ALG12: variants seen among roughly 807,000 people sequenced by gnomAD.
The protein encoded by ALG12 is ALG12 alpha-1,6-mannosyltransferase.
ALG12 carries 36 observed loss-of-function variants against 46.0 expected under a neutral mutation model. That is an observed-to-expected ratio of 0.78 (90% CI 0.60 to 1.03). ALG12 has a LOEUF of 1.03. Ranked by LOEUF, ALG12 falls within the 50% of genes least tolerant of loss-of-function variation. ALG12 has a pLI of 0.00. For missense variants in ALG12, 599 were observed against 633.5 expected (o/e 0.95, Z 0.58); for synonymous variants, 326 against 291.6 (o/e 1.12, Z -1.20).
chr22:49,892,629 GAAAACTCTGAGGTTT>G, the ALG12 span, among the ~76,000 whole-genome samples: 1 of 152,220 alleles, frequency 6.6e-6, no homozygotes, highest in African/African-American at 2.4e-5. Flanking sequence ...CTGCCATTGA[GAAAACTCTGAGGTTT>G]CCAGGTGAGT....
chr22:49,893,018 G>A, the ALG12 span, among the ~76,000 whole-genome samples: 6 of 152,168 alleles, frequency 3.9e-5, no homozygotes, highest in African/African-American at 9.7e-5. Context: ...ATCTGTAAAC[G>A]TGCTAATGCT....
chr22:49,895,283 C>T (rs778234357), downstream of ALG12, among the ~76,000 whole-genome samples: 5 of 152,136 alleles, frequency 3.3e-5, no homozygotes, highest in Non-Finnish European at 5.9e-5. Context: ...TCATTCTAGT[C>T]GTTTCTCGTT....
chr22:49,902,370 C>T lies in ALG12; in HGVS notation c.*1468G>A, dbSNP rs1343555894. The T allele has an allele frequency of 8.1e-6, 1 of 123,808 alleles. No individual in the cohort carries two copies. Among genetic ancestry groups the T allele is most frequent in the African/African-American group, 3.5e-5 (1 of 28,500 alleles). 7.7% of individuals were successfully genotyped at this position (123,808 alleles called of 1,614,324 possible). On this transcript the variant is annotated 3_prime_UTR_variant, in exon 10 of 10. Coordinates refer to ENST00000330817, the MANE Select transcript of ALG12 (RefSeq NM_024105.4). ...GTGGTGTGTATGCATGGTGTGTGCACGTGTGCACGGTGTGTGGTGTGTATG... is the reference window on the plus strand; with the variant it reads ...GTGGTGTGTATGCATGGTGTGTGCATGTGTGCACGGTGTGTGGTGTGTATG...
At chr22:49,887,342 C>T in the ALG12 span, 3 of 619,332 alleles carry the variant, frequency 4.8e-6, no homozygotes, top group African/African-American at 1.8e-5. Context: ...CTTACCCCTT[C>T]TCCTTCAGGC....
chr22:49,859,572 G>C, the ALG12 span, among the ~76,000 whole-genome samples: 113,365 of 152,002 alleles, frequency 0.75, 44,841 homozygotes, highest in East Asian at 0.91. Context: ...GTGCAGAAAG[G>C]CATCTGGACA....
At chr22:49,891,593 GCAT>G in the ALG12 span, among the ~76,000 whole-genome samples, 5 of 152,142 alleles carry the variant, frequency 3.3e-5, no homozygotes, top group African/African-American at 1.2e-4. Flanking sequence ...TTTTTGTAAA[GCAT>G]CATGATTTTC....
At chr22:49,882,165 G>T in the ALG12 span, among the ~76,000 whole-genome samples, 10 of 152,210 alleles carry the variant, frequency 6.6e-5, 1 homozygote, top group Non-Finnish European at 1.3e-4. Context: ...ATGCTGACCA[G>T]GCTAGGGATG....
At chr22:49,871,370 C>T in the ALG12 span, among the ~76,000 whole-genome samples, 1 of 152,012 alleles carries the variant, frequency 6.6e-6, no homozygotes, top group African/African-American at 2.4e-5. Flanking sequence ...CCTGTAATCT[C>T]AGCTACTCAG....
the ALG12 span, chr22:49,885,721 T>C: frequency 2.5e-6 from 4 of 1,607,166 alleles, no homozygotes; most frequent in Admixed American, 6.7e-5. Flanking sequence ...GCTGCTTGAA[T>C]ACTTGAAACC....
chr22:49,904,340 T>C lies in ALG12; in HGVS notation c.1159A>G (p.Thr387Ala). Residue 387 changes from threonine to alanine, a missense_variant, in exon 8 of 10, where the codon ACA (threonine) becomes GCA (alanine). Coordinates refer to ENST00000330817, the MANE Select transcript of ALG12 (RefSeq NM_024105.4). ...AGGCAGTGCCCCCAGCACCCACCTG[T>C]CTGGGGGGGCACCAGCTGGTGCAGC... ...QRLHQLVPPQ[T>A]DVLLHIDVAA... 1 of 1,614,172 alleles carries C rather than the reference T, an allele frequency of 6.2e-7. No individual in the cohort carries two copies. Among genetic ancestry groups the C allele is most frequent in the Non-Finnish European group, 8.5e-7 (1 of 1,180,026 alleles).
At chr22:49,871,757 A>ATTTTTTT in the ALG12 span, among the ~76,000 whole-genome samples, 1 of 62,174 alleles carries the variant, frequency 1.6e-5, no homozygotes, top group South Asian at 5.1e-4. Context: ...TTATTTATTT[A>ATTTTTTT]TTTTTTTTTT....
At position 49,903,859 on chromosome 22, in the gene ALG12, C is replaced by G. The variant is rs1569172835; in HGVS notation, c.1446G>C (p.Glu482Asp). 6.2e-7 allele frequency: 1 copy of G among 1,614,136 alleles called. No individual in the cohort carries two copies. Among genetic ancestry groups the G allele is most frequent in the Non-Finnish European group, 8.5e-7 (1 of 1,180,040 alleles). ...VHLQTKLVLL[E>D]RLPRPS ...CCCCTCAGGACGGCCGGGGGAGCCT[C>G]TCCAGAAGCACCAGCTTTGTCTGCA... Residue 482 changes from glutamate (E) to aspartate (D), a missense_variant, in exon 10 of 10, where the codon GAG (glutamate) becomes GAC (aspartate). By Grantham distance (45) the Glu-to-Asp change is conservative. Transcript: ENST00000330817.
chr22:49,874,350 C>G, the ALG12 span, among the ~76,000 whole-genome samples: 12 of 151,992 alleles, frequency 7.9e-5, no homozygotes, highest in South Asian at 4.2e-4. Context: ...AATGACGTGC[C>G]CATATGGTTT....
chr22:49,907,030 C>T lies in ALG12; in HGVS notation c.992+691G>A, dbSNP rs373859585. Among the ~76,000 whole-genome samples, 251 of 152,274 alleles carry T rather than the reference C, an allele frequency of 1.6e-3. 1 individual carries two copies. The highest frequency in any genetic ancestry group is 5.7e-3 in the African/African-American group (237 of 41,556). ...TCACCTGCTGCCTGCAGTCCCTCCCCGCAGGAAGCCCCCTGCCCTCCACAG... is the reference window on the plus strand; with the variant it reads ...TCACCTGCTGCCTGCAGTCCCTCCCTGCAGGAAGCCCCCTGCCCTCCACAG... On this transcript the variant is annotated intron_variant, in intron 7 of 9. Transcript: ENST00000330817.
chr22:49,907,837 C>T lies in ALG12; in HGVS notation c.876G>A (p.Thr292=), dbSNP rs763759019. The change falls in exon 7 of 10, where the codon ACG becomes ACA. Residue 292 remains threonine, a synonymous_variant. Transcript: ENST00000330817. ...GTGCCATGAAGCCCAGTGCCAGCAC[C>T]GTCGGCGCGTGCGTCCTTCTGTCTA... ...GLVDRRTHAP[T]VLALGFMALY... The T allele has an allele frequency of 5.6e-6, 9 of 1,613,900 alleles. No individual in the cohort carries two copies. Among genetic ancestry groups the T allele is most frequent in the South Asian group, 3.3e-5 (3 of 91,084 alleles).
At chr22:49,864,006 T>A in the ALG12 span, among the ~76,000 whole-genome samples, 1 of 152,322 alleles carries the variant, frequency 6.6e-6, no homozygotes, top group East Asian at 1.9e-4. Flanking sequence ...TGTGCTCATC[T>A]TGTATTTTTC....
chr22:49,882,990 T>G, the ALG12 span, among the ~76,000 whole-genome samples: 1 of 152,260 alleles, frequency 6.6e-6, no homozygotes, highest in Non-Finnish European at 1.5e-5. Flanking sequence ...CTTTGCTGAT[T>G]ATAGCAGCTG....
the ALG12 span, among the ~76,000 whole-genome samples, chr22:49,863,975 T>G: frequency 6.6e-6 from 1 of 152,182 alleles, no homozygotes. Flanking sequence ...TCTCAGAGGT[T>G]TCTGGCTGTC....
the ALG12 span, among the ~76,000 whole-genome samples, chr22:49,891,336 A>G: frequency 1.3e-5 from 2 of 152,192 alleles, no homozygotes; most frequent in Non-Finnish European, 2.9e-5. Context: ...CGGTTTTGGC[A>G]CCCATCGAGT....
Sources: gnomAD v4.1 joint callset for allele counts (sites outside exome capture counted in the v4.1 genomes callset) on GRCh38, gnomAD v4.1.1 for gene constraint, MANE v1.5 for transcripts, NCBI Gene and HGNC (gene_info 2026-07-23, HGNC 2026-07-21) for gene names.